Variants in TBC1D5 observed in about 807,000 individuals in gnomAD.
TBC1D5 encodes the protein TBC1 domain family member 5.
A neutral mutation model predicts 100.3 loss-of-function variants in TBC1D5; 75 were observed. That is an observed-to-expected ratio of 0.75 (90% CI 0.62 to 0.91). TBC1D5 has a LOEUF of 0.91. Ranked by LOEUF, TBC1D5 falls within the 40% of genes least tolerant of loss-of-function variation. The pLI is 0.00. For missense variants in TBC1D5, 910 were observed against 942.4 expected (o/e 0.97, Z 0.45); for synonymous variants, 323 against 325.6 (o/e 0.99, Z 0.09).
intron 20 of TBC1D5, 133 bp downstream of exon 21, chr3:17,167,616 A>G (rs1397182872): frequency 2.7e-6 from 2 of 732,296 alleles, no homozygotes; most frequent in Non-Finnish European, 4.7e-6. Flanking sequence ...GTGGTGATGC[A>G]GAAGGGGCTC....
At chr3:17,372,453 T>C (rs1433291056) in intron 12 of TBC1D5, among the ~76,000 whole-genome samples, 2 of 152,212 alleles carry the variant, frequency 1.3e-5, no homozygotes, top group Non-Finnish European at 2.9e-5. Context: ...GAATATATTA[T>C]TCATTCATAT....
chr3:17,541,961 G>T (rs1225333437), intron 2 of TBC1D5, among the ~76,000 whole-genome samples: 1 of 152,054 alleles, frequency 6.6e-6, no homozygotes, highest in Non-Finnish European at 1.5e-5. Context: ...ATTAGGCAAG[G>T]TCAGAGATTA....
intron 3 of TBC1D5, among the ~76,000 whole-genome samples, chr3:17,429,965 A>AG (rs1204615554): frequency 1.8e-5 from 1 of 54,842 alleles, no homozygotes; most frequent in Non-Finnish European, 4.7e-5. Flanking sequence ...TACAACACTT[A>AG]AAAATGGTGA....
At chr3:17,406,942 T>A (rs1357335234) in intron 4 of TBC1D5, among the ~76,000 whole-genome samples, 1 of 152,106 alleles carries the variant, frequency 6.6e-6, no homozygotes, top group Non-Finnish European at 1.5e-5. Flanking sequence ...CCTCTTTAAA[T>A]GATCCGATTT....
At chr3:17,164,575 T>C (rs957568399) in intron 21 of TBC1D5, among the ~76,000 whole-genome samples, 1 of 152,212 alleles carries the variant, frequency 6.6e-6, no homozygotes, top group African/African-American at 2.4e-5. Context: ...GAACTTCCAC[T>C]TGGCTCTCTT....
intron 3 of TBC1D5, among the ~76,000 whole-genome samples, chr3:17,473,670 A>G (rs1409639452): frequency 6.6e-6 from 1 of 152,248 alleles, no homozygotes; most frequent in East Asian, 1.9e-4. Flanking sequence ...ACAAGTCAGT[A>G]AATCAAATTT....
At chr3:17,621,342 C>G (rs1317194273) in intron 2 of TBC1D5, among the ~76,000 whole-genome samples, 2 of 152,206 alleles carry the variant, frequency 1.3e-5, no homozygotes, top group African/African-American at 4.8e-5. Flanking sequence ...AATCAACACA[C>G]TAGTGCCAAG....
At chr3:17,255,814 A>T (rs1168662173) in intron 16 of TBC1D5, among the ~76,000 whole-genome samples, 1 of 152,162 alleles carries the variant, frequency 6.6e-6, no homozygotes, top group Admixed American at 6.5e-5. Context: ...TGAGGTGGGC[A>T]GATCACGAGG....
At chr3:17,200,274 A>G (rs1263925061) in intron 18 of TBC1D5, among the ~76,000 whole-genome samples, 2 of 152,248 alleles carry the variant, frequency 1.3e-5, no homozygotes, top group African/African-American at 2.4e-5. Context: ...ACACTGTACT[A>G]TAGTTCAGGG....
At chr3:17,575,013 T>C (rs1441732427) in intron 2 of TBC1D5, among the ~76,000 whole-genome samples, 1 of 152,068 alleles carries the variant, frequency 6.6e-6, no homozygotes, top group Non-Finnish European at 1.5e-5. Flanking sequence ...ATTTCTCATA[T>C]TTAATATACT....
chr3:17,635,156 C>T (rs1375049810), intron 1 of TBC1D5, among the ~76,000 whole-genome samples: 1 of 152,096 alleles, frequency 6.6e-6, no homozygotes, highest in Non-Finnish European at 1.5e-5. Context: ...GATCTGCTAT[C>T]AACAGAGATG....
intron 15 of TBC1D5, among the ~76,000 whole-genome samples, chr3:17,267,392 G>T (rs1468290784): frequency 7.9e-5 from 12 of 151,894 alleles, no homozygotes; most frequent in African/African-American, 2.7e-4. Context: ...CAGTAATGGT[G>T]GGGGTGGGAG....
At chr3:17,563,928 G>A (rs1322033324) in intron 2 of TBC1D5, among the ~76,000 whole-genome samples, 6 of 152,068 alleles carry the variant, frequency 3.9e-5, no homozygotes, top group South Asian at 2.1e-4. Context: ...GACTACAAGC[G>A]CCCGCCACCA....
chr3:17,512,430 T>C (rs2095922153), intron 2 of TBC1D5, among the ~76,000 whole-genome samples: 1 of 152,146 alleles, frequency 6.6e-6, no homozygotes, highest in Admixed American at 6.5e-5. Flanking sequence ...TGATTTTCTA[T>C]CCTTAATTTT....
Position 17,490,022 on chromosome 3 carries a change from T to C in TBC1D5, c.97+18452A>G, listed in dbSNP as rs572339270. Among the ~76,000 whole-genome samples the C allele has an allele frequency of 3.3e-5, 5 of 152,312 alleles. No homozygotes were observed. The East Asian group carries it at 9.6e-4, about 29-fold the overall frequency. On this transcript the variant is annotated intron_variant, in intron 3 of 21. Coordinates refer to ENST00000253692, the Ensembl canonical transcript of TBC1D5. ...CATCAGCATCTGTTGTTTCTTGGCT[T>C]CTTAATAATCACCATTCTTACTGGC...
chr3:17,430,035 T>A (rs945616841), intron 3 of TBC1D5, among the ~76,000 whole-genome samples: 1 of 151,790 alleles, frequency 6.6e-6, no homozygotes, highest in African/African-American at 2.4e-5. Context: ...CCTAGCTAGG[T>A]ATAAGTTGCT....
At chr3:17,728,663 G>A (rs1416122099) in intron 1 of TBC1D5, among the ~76,000 whole-genome samples, 2 of 151,930 alleles carry the variant, frequency 1.3e-5, no homozygotes, top group Non-Finnish European at 2.9e-5. Flanking sequence ...TACAAAAGTT[G>A]TCGAGCCATT....
intron 15 of TBC1D5, among the ~76,000 whole-genome samples, chr3:17,280,405 T>G (rs534231900): frequency 6.6e-6 from 1 of 152,040 alleles, no homozygotes; most frequent in African/African-American, 2.4e-5. Context: ...CGCTGGAAAG[T>G]TGCCTTTTCC....
intron 8 of TBC1D5, 51 bp downstream of exon 8, chr3:17,403,130 G>A: frequency 6.9e-7 from 1 of 1,456,144 alleles, no homozygotes; most frequent in Non-Finnish European, 9.3e-7. Flanking sequence ...ATTAGAAAGA[G>A]ATAACAACAA....
Sources: allele counts gnomAD v4.1 joint callset (sites outside exome capture counted in the v4.1 genomes callset), GRCh38; gene constraint gnomAD v4.1.1; transcripts MANE v1.5; gene names NCBI Gene and HGNC (gene_info 2026-07-23, HGNC 2026-07-21).